The following ZSWIM4 variants were observed in gnomAD, a reference collection of about 807,000 sequenced individuals.
ZSWIM4 encodes the protein zinc finger SWIM domain-containing protein 4.
In ZSWIM4, 62 loss-of-function variants were observed where a neutral mutation model predicts 102.5. That is an observed-to-expected ratio of 0.60 (90% CI 0.49 to 0.75). The LOEUF (loss-of-function observed/expected upper bound fraction) is 0.75, where lower values mean the gene tolerates loss of function less well. Among genes scored for constraint, ZSWIM4 ranks in the 30% least tolerant of loss-of-function variants. The pLI, the probability that ZSWIM4 is intolerant of heterozygous loss-of-function variation, is 0.00. For missense variants in ZSWIM4, 1,280 were observed against 1,529.6 expected (o/e 0.84, Z 2.72); for synonymous variants, 652 against 674.5 (o/e 0.97, Z 0.52).
intron 10 of ZSWIM4, 72 bp downstream of exon 10, chr19:13,819,564 G>A (rs1975405785): frequency 2.0e-5 from 30 of 1,516,246 alleles, no homozygotes; most frequent in Non-Finnish European, 2.7e-5. Context: ...GGGTAGCTCA[G>A]AGCCCCACCC....
chr19:13,796,139 C>T (rs1328921015), intron 1 of ZSWIM4, among the ~76,000 whole-genome samples: 1 of 151,364 alleles, frequency 6.6e-6, no homozygotes, highest in Non-Finnish European at 1.5e-5. Context: ...CCCCTCTTTT[C>T]CCGCCTTATC....
chr19:13,816,746 C>T (rs961694850), intron 7 of ZSWIM4, among the ~76,000 whole-genome samples: 8 of 152,204 alleles, frequency 5.3e-5, no homozygotes, highest in East Asian at 3.9e-4. Flanking sequence ...GAAGAGAGTA[C>T]GTGGCTTGGA....
Position 13,825,655 on chromosome 19 carries a change from C to G in ZSWIM4, c.2321C>G (p.Pro774Arg), listed in dbSNP as rs547902221. ...LAQDACKTAT[P>R]VSAPPDTTLL... The stretch of plus-strand genomic sequence containing the variant: ...CAGGACGCCTGCAAGACAGCCACCC[C>G]GGTCAGCGCCCCACCAGACACCACG... The change falls in exon 12 of 14, where the codon CCG becomes CGG. Residue 774 changes from proline (P) to arginine (R), a missense_variant. Physicochemically the swap from Pro to Arg is moderately radical, Grantham distance 103. Coordinates refer to ENST00000590508, the MANE Select transcript of ZSWIM4 (RefSeq NM_001367834.3). This position sits in a 1 kb window ranked among gnomAD's most constrained non-coding sequence, Gnocchi z 4.6. 4 of 1,613,570 alleles carry G rather than the reference C, an allele frequency of 2.5e-6. No individual in the cohort carries two copies. The highest frequency in any genetic ancestry group is 3.3e-5 in the Admixed American group (2 of 60,034).
intron 10 of ZSWIM4, among the ~76,000 whole-genome samples, chr19:13,820,309 C>A (rs112934492): frequency 2.8e-4 from 42 of 152,254 alleles, no homozygotes; most frequent in African/African-American, 9.9e-4. Flanking sequence ...CATCTCTGCT[C>A]AGTGCAACCT....
chr19:13,820,909 C>CA (rs34029534), intron 10 of ZSWIM4, among the ~76,000 whole-genome samples: 3,720 of 102,168 alleles, frequency 0.036, 122 homozygotes, highest in African/African-American at 0.1. Flanking sequence ...ACGCAATTTC[C>CA]AAAAAAAAAA....
chr19:13,805,011 T>G lies in ZSWIM4; in HGVS notation c.575T>G (p.Leu192Arg). ...VELRLPISET[L>R]SQMNRDQLQK... The stretch of plus-strand genomic sequence containing the variant: ...CTGCGGCTGCCCATCTCCGAGACGC[T>G]CTCCCAGATGAACCGGGACCAGCTG... The change falls in exon 3 of 14, where the codon CTC (leucine) becomes CGC (arginine). Residue 192 changes from leucine (L) to arginine (R), a missense_variant. Transcript: ENST00000590508. 6.2e-7 allele frequency: 1 copy of G among 1,612,240 alleles called. No homozygotes were observed. The highest frequency in any genetic ancestry group is 8.5e-7 in the Non-Finnish European group (1 of 1,179,986).
chr19:13,804,715 A>G, intron 2 of ZSWIM4, 77 bp from the exon 3 acceptor site: 3 of 1,250,444 alleles, frequency 2.4e-6, no homozygotes, highest in Non-Finnish European at 3.3e-6. Context: ...GGGCTTTGCA[A>G]CCGGGTCTTG....
Position 13,809,346 on chromosome 19 carries a change from G to T in ZSWIM4, c.1012+126G>T. 4 of 1,320,366 alleles carry T rather than the reference G, an allele frequency of 3.0e-6. No individual in the cohort carries two copies. In the South Asian group the frequency reaches 4.5e-5, roughly 15 times the overall value. The allele number at this position is 1,320,366 out of a possible 1,614,324, so 81.8% of individuals were successfully genotyped here. ...ATTCGTTTGGCAAACATTTATGAGC[G>T]CCTCTAAAGTGCCAGGCATGGTACT... On this transcript the variant is annotated intron_variant, in intron 5 of 13. Transcript: ENST00000590508. The surrounding 1 kb of genome is among the most constrained non-coding windows in gnomAD (Gnocchi z 4.2).
rs1249973343 is a variant in ZSWIM4 at position 13,809,157 on chromosome 19, G to A, written c.949G>A (p.Ala317Thr). 1.2e-6 allele frequency: 2 copies of A among 1,613,484 alleles called. No homozygotes were observed. The highest frequency in any genetic ancestry group is 1.7e-6 in the Non-Finnish European group (2 of 1,179,692). ...GCAGTTCCTGCAGGACACGCGCCTG[G>A]CCCTGTGGCGGCAGCAGGGCGCGGG... is the stretch of plus-strand genomic sequence containing the variant. ...TEQFLQDTRL[A>T]LWRQQGAGMT... Residue 317 changes from alanine (A) to threonine (T), a missense_variant, in exon 5 of 14, where the codon GCC becomes ACC. Physicochemically the swap from Ala to Thr is moderately conservative, Grantham distance 58. Transcript: ENST00000590508. This position sits in a 1 kb window ranked among gnomAD's most constrained non-coding sequence, Gnocchi z 4.2.
intron 13 of ZSWIM4, among the ~76,000 whole-genome samples, chr19:13,829,921 G>A (rs1975711459): frequency 6.6e-6 from 1 of 152,206 alleles, no homozygotes; most frequent in South Asian, 2.1e-4. Flanking sequence ...TGGCTGGCCA[G>A]CATGGAGCTG....
intron 1 of ZSWIM4, 113 bp from the exon 2 acceptor site, chr19:13,799,607 G>T: frequency 9.7e-7 from 1 of 1,031,616 alleles, no homozygotes; most frequent in Admixed American, 1.8e-5. Context: ...GCCTCTCTAT[G>T]TTGCCCAGGC....
intron 10 of ZSWIM4, among the ~76,000 whole-genome samples, chr19:13,819,886 C>G (rs947076485): frequency 2.0e-5 from 3 of 150,746 alleles, no homozygotes; most frequent in Non-Finnish European, 4.4e-5. Context: ...CTCTGTCACC[C>G]AGGCTGGAGT....
In ZSWIM4 at chr19:13,825,390, C is replaced by T. The variant is rs1445609897; in HGVS notation, c.2216-160C>T. Among the ~76,000 whole-genome samples the T allele has an allele frequency of 6.6e-6, 1 of 152,110 alleles. No homozygotes were observed. The highest frequency in any genetic ancestry group is 1.5e-5 in the Non-Finnish European group (1 of 68,024). ...AGATAATTGGCAAGGGCTAGGGGCA[C>T]TGAGGTCTGAATCTTCACAGAACCA... is the stretch of plus-strand genomic sequence containing the variant. On this transcript the variant is annotated intron_variant, in intron 11 of 13. Coordinates refer to ENST00000590508, the MANE Select transcript of ZSWIM4 (RefSeq NM_001367834.3). This position sits in a 1 kb window ranked among gnomAD's most constrained non-coding sequence, Gnocchi z 4.6.
rs919624665 is a variant in ZSWIM4, at chr19:13,830,890, G to C, written c.3161G>C (p.Arg1054Pro). ...TCGCGCCTCACGCACATCAGCCCGC[G>C]GCACTATGGGGATTTCATCGAATTC... The part of the protein sequence containing the change: ...SHSRLTHISP[R>P]HYGDFIEFLG... The change falls in exon 14 of 14, where the codon CGG (arginine) becomes CCG (proline). Residue 1054 changes from arginine (R) to proline (P), a missense_variant. Coordinates refer to ENST00000590508, the MANE Select transcript of ZSWIM4 (RefSeq NM_001367834.3). The C allele has an allele frequency of 6.2e-7, 1 of 1,614,196 alleles. No individual in the cohort carries two copies. Among genetic ancestry groups the C allele is most frequent in the Non-Finnish European group, 8.5e-7 (1 of 1,180,032 alleles).
chr19:13,805,224 C>A, intron 3 of ZSWIM4, 76 bp downstream of exon 3: 1 of 1,327,038 alleles, frequency 7.5e-7, no homozygotes, highest in East Asian at 2.3e-5. Context: ...GTGCCCAGTG[C>A]TGGTCACTTA....
At chr19:13,799,511 G>A (rs1028604043) in intron 1 of ZSWIM4, among the ~76,000 whole-genome samples, 1 of 151,990 alleles carries the variant, frequency 6.6e-6, no homozygotes, top group Admixed American at 6.6e-5. Context: ...CTGACCTCAG[G>A]TGATCTGCCT....
At chr19:13,795,908 G>A (rs1974599319) in intron 1 of ZSWIM4, 107 bp downstream of exon 1, 1 of 694,282 alleles carries the variant, frequency 1.4e-6, no homozygotes, top group Admixed American at 5.7e-5. Context: ...CCCAATCAGA[G>A]ACACCCCCTG....
intron 2 of ZSWIM4, 85 bp downstream of exon 2, chr19:13,800,006 G>C (rs978772260): frequency 3.9e-5 from 54 of 1,399,488 alleles, no homozygotes; most frequent in Non-Finnish European, 5.1e-5. Flanking sequence ...GGAGGCCTGG[G>C]GCCAGGGGAT....
intron 5 of ZSWIM4, among the ~76,000 whole-genome samples, chr19:13,811,948 G>A (rs1053435388): frequency 1.3e-4 from 20 of 151,882 alleles, no homozygotes; most frequent in African/African-American, 3.9e-4. Context: ...TGTGGCGGAC[G>A]CCTGTAATCC....
Sources: gnomAD v4.1 joint callset for allele counts (sites outside exome capture counted in the v4.1 genomes callset) on GRCh38, gnomAD v4.1.1 for gene constraint, Gnocchi (gnomAD v3.1) non-coding constraint, MANE v1.5 for transcripts, NCBI Gene and HGNC (gene_info 2026-07-23, HGNC 2026-07-21) for gene names.